STXBP5L: variants seen among roughly 807,000 people sequenced by gnomAD.
STXBP5L encodes syntaxin-binding protein 5-like.
In STXBP5L, 65 loss-of-function variants were observed where a neutral mutation model predicts 144.5. The ratio of observed to expected loss-of-function variants is 0.45; its 90% CI spans 0.37 to 0.55. The LOEUF is 0.55. Ranked by LOEUF, STXBP5L falls within the 20% of genes least tolerant of loss-of-function variation. The pLI is 0.00. For synonymous variants in STXBP5L, 505 were observed against 469.6 expected (o/e 1.08, Z -0.97); for missense variants, 1,298 against 1,405.5 (o/e 0.92, Z 1.22).
chr3:121,193,452 C>G (rs2047788393), intron 9 of STXBP5L, among the ~76,000 whole-genome samples: 1 of 150,874 alleles, frequency 6.6e-6, no homozygotes, highest in Admixed American at 6.6e-5. Flanking sequence ...TACCATTTGA[C>G]CCAGCCATCC....
At chr3:120,963,914 G>T (rs571302770) in intron 3 of STXBP5L, among the ~76,000 whole-genome samples, 3 of 152,232 alleles carry the variant, frequency 2.0e-5, no homozygotes, top group East Asian at 1.9e-4. Flanking sequence ...GATTGTTTTT[G>T]GTTGGTAGGC....
intron 20 of STXBP5L, among the ~76,000 whole-genome samples, chr3:121,340,079 A>G (rs2044653103): frequency 6.6e-6 from 1 of 152,190 alleles, no homozygotes; most frequent in African/African-American, 2.4e-5. Context: ...GAACCAAAAA[A>G]GAGCCCAAAT....
intron 20 of STXBP5L, among the ~76,000 whole-genome samples, chr3:121,319,944 C>G (rs2043914807): frequency 6.6e-6 from 1 of 151,852 alleles, no homozygotes. Context: ...ATAGTGAGAC[C>G]CTGTCTCATT....
At chr3:121,004,845 G>A (rs1481997186) in intron 3 of STXBP5L, among the ~76,000 whole-genome samples, 2 of 152,104 alleles carry the variant, frequency 1.3e-5, no homozygotes, top group Admixed American at 1.3e-4. Context: ...TTATATGCTG[G>A]ATTACGTTTA....
chr3:121,177,501 C>T (rs1046932358), intron 9 of STXBP5L, among the ~76,000 whole-genome samples: 3 of 152,116 alleles, frequency 2.0e-5, no homozygotes, highest in Non-Finnish European at 4.4e-5. Context: ...CCAATTAGCA[C>T]ATGAAACGAT....
chr3:120,932,212 G>A (rs557287662), intron 2 of STXBP5L, among the ~76,000 whole-genome samples: 2 of 152,260 alleles, frequency 1.3e-5, no homozygotes, highest in African/African-American at 4.8e-5. Context: ...TGACCAAAAT[G>A]TCATTATGCA....
chr3:120,987,039 A>T (rs1164149913), intron 3 of STXBP5L, among the ~76,000 whole-genome samples: 1 of 152,010 alleles, frequency 6.6e-6, no homozygotes, highest in East Asian at 1.9e-4. Context: ...TAATGACCAA[A>T]GCTTTCCGAA....
chr3:121,153,644 G>A lies in STXBP5L; in HGVS notation c.753+1084G>A, dbSNP rs187433395. 2.1e-4 allele frequency among the ~76,000 whole-genome samples: 32 copies of A among 151,570 alleles called. No homozygotes were observed. In the East Asian group the frequency reaches 3.3e-3, roughly 16 times the overall value. ...CATAACAGTTAATTTTTTAAGTTTC[G>A]GTGCTTAAAGATATAAGCCTTCACC... On this transcript the variant is annotated intron_variant, in intron 8 of 26. Coordinates refer to ENST00000471454, the MANE Select transcript of STXBP5L (RefSeq NM_001308330.2).
intron 3 of STXBP5L, among the ~76,000 whole-genome samples, chr3:121,003,931 C>G (rs2108065034): frequency 6.6e-6 from 1 of 152,244 alleles, no homozygotes; most frequent in South Asian, 2.1e-4. Flanking sequence ...GTACCAGTAC[C>G]ACGCTGTTTT....
intron 5 of STXBP5L, among the ~76,000 whole-genome samples, chr3:121,048,556 GAGTT>G (rs1947689917): frequency 6.6e-6 from 1 of 152,056 alleles, no homozygotes; most frequent in South Asian, 2.1e-4. Context: ...TTCTCTGACT[GAGTT>G]AGTTCAGAGA....
intron 6 of STXBP5L, among the ~76,000 whole-genome samples, 187 bp from the exon 7 acceptor site, chr3:121,121,454 T>C (rs1394366406): frequency 6.6e-6 from 1 of 151,354 alleles, no homozygotes; most frequent in Non-Finnish European, 1.5e-5. Context: ...AAATAAGTAG[T>C]TTGCAATTAG....
intron 22 of STXBP5L, among the ~76,000 whole-genome samples, chr3:121,384,723 T>A (rs984862530): frequency 6.6e-6 from 1 of 151,804 alleles, no homozygotes; most frequent in Non-Finnish European, 1.5e-5. Context: ...AAACATTGGG[T>A]TTTTTTTCAA....
intron 5 of STXBP5L, among the ~76,000 whole-genome samples, chr3:121,046,306 A>T (rs2107569179): frequency 6.6e-6 from 1 of 152,194 alleles, no homozygotes; most frequent in African/African-American, 2.4e-5. Flanking sequence ...TTCATCAAGG[A>T]TATTGGCCTG....
At chr3:120,914,259 G>T (rs940428524) in intron 2 of STXBP5L, among the ~76,000 whole-genome samples, 1 of 151,924 alleles carries the variant, frequency 6.6e-6, no homozygotes, top group African/African-American at 2.4e-5. Context: ...AGTAAAATAA[G>T]TATATTACCA....
In STXBP5L at chr3:121,161,068, C is replaced by CT. The variant is rs908812191; in HGVS notation, c.877+3448dup. On this transcript the variant is annotated intron_variant, in intron 9 of 26. Coordinates refer to ENST00000471454, the MANE Select transcript of STXBP5L (RefSeq NM_001308330.2). Reference sequence around the variant, plus strand: ...TAATTTTTGCTTTAAATCATCATGTCTTTTTTTAATTAAGAGGAAAAACAG... The same window carrying CT: ...TAATTTTTGCTTTAAATCATCATGTCTTTTTTTTAATTAAGAGGAAAAACAG... Among the ~76,000 whole-genome samples the CT allele has an allele frequency of 4.6e-5, 7 of 151,838 alleles. No homozygotes were observed. The South Asian group carries it at 6.2e-4, about 14-fold the overall frequency.
chr3:120,997,048 A>T (rs755455134), intron 3 of STXBP5L, among the ~76,000 whole-genome samples: 10 of 152,052 alleles, frequency 6.6e-5, no homozygotes, highest in Non-Finnish European at 1.3e-4. Flanking sequence ...AACATGCAGT[A>T]TTGGTTTTCT....
chr3:121,018,123 T>C (rs1483608818), intron 3 of STXBP5L, among the ~76,000 whole-genome samples: 1 of 152,154 alleles, frequency 6.6e-6, no homozygotes, highest in African/African-American at 2.4e-5. Context: ...TCCAGGTACA[T>C]GGATAGCAAT....
At chr3:121,028,090 A>T (rs983230577) in intron 3 of STXBP5L, among the ~76,000 whole-genome samples, 1 of 151,198 alleles carries the variant, frequency 6.6e-6, no homozygotes. Context: ...TACATTTGTT[A>T]AATAAATTAA....
At chr3:121,346,722 ATG>A (rs2045004730) in intron 20 of STXBP5L, among the ~76,000 whole-genome samples, 2 of 152,052 alleles carry the variant, frequency 1.3e-5, no homozygotes, top group Admixed American at 6.6e-5. Flanking sequence ...GCATTTTTGT[ATG>A]TGTCTTTTGT....
Sources: allele counts gnomAD v4.1 joint callset (sites outside exome capture counted in the v4.1 genomes callset), GRCh38; gene constraint gnomAD v4.1.1; transcripts MANE v1.5; gene names NCBI Gene and HGNC (gene_info 2026-07-23, HGNC 2026-07-21).